The following RORA variants were observed in gnomAD, a reference collection of about 807,000 sequenced individuals.
RORA encodes nuclear receptor ROR-alpha.
RORA carries 7 observed loss-of-function variants against 69.5 expected under a neutral mutation model. That is an observed-to-expected ratio of 0.10 (90% CI 0.06 to 0.19). RORA has a LOEUF of 0.19. Among genes scored for constraint, RORA ranks in the 10% least tolerant of loss-of-function variants. The pLI is 1.00. For missense variants in RORA, 457 were observed against 663.0 expected (o/e 0.69, Z 3.41); for synonymous variants, 261 against 240.8 (o/e 1.08, Z -0.78).
chr15:60,549,535 C>A (rs1156892620), intron 2 of RORA, among the ~76,000 whole-genome samples: 1 of 152,104 alleles, frequency 6.6e-6, no homozygotes, highest in Non-Finnish European at 1.5e-5. Flanking sequence ...TGTCATACTT[C>A]TTACAGTGGT....
chr15:61,008,017 G>A (rs1454049798), intron 1 of RORA, among the ~76,000 whole-genome samples: 1 of 151,542 alleles, frequency 6.6e-6, no homozygotes, highest in African/African-American at 2.4e-5. Flanking sequence ...CACCAAAATA[G>A]TATTTAGATT....
At chr15:60,558,141 G>T in intron 2 of RORA, 1 of 954,056 alleles carries the variant, frequency 1.0e-6, no homozygotes, top group Non-Finnish European at 1.6e-6. Flanking sequence ...CACACCGGGG[G>T]AAAGGGAGGC....
intron 2 of RORA, among the ~76,000 whole-genome samples, chr15:60,571,208 AAAC>A (rs966572116): frequency 3.3e-5 from 5 of 152,074 alleles, no homozygotes; most frequent in East Asian, 1.9e-4. Context: ...AGACCACAGC[AAAC>A]AACAAGGATA....
At chr15:60,857,808 G>A (rs191325686) in intron 1 of RORA, among the ~76,000 whole-genome samples, 8 of 152,302 alleles carry the variant, frequency 5.3e-5, no homozygotes, top group Admixed American at 2.6e-4. Flanking sequence ...TGGTTTCTGA[G>A]GCAAAATTAT....
rs2140684068 is a variant in RORA at position 60,645,597 on chromosome 15, T to C, written c.196+33060A>G. On this transcript the variant is annotated intron_variant, in intron 2 of 10. Coordinates refer to ENST00000335670, the MANE Select transcript of RORA (RefSeq NM_134261.3). ...TTGTAAAGACGGGGTTTCACCGTGT[T>C]GCCCAGGCTGGTCTCGAACTCCTGG... Among the ~76,000 whole-genome samples the C allele has an allele frequency of 2.0e-5, 3 of 152,214 alleles. No homozygotes were observed. In the South Asian group the frequency reaches 6.2e-4, roughly 32 times the overall value.
intron 1 of RORA, among the ~76,000 whole-genome samples, chr15:60,796,821 G>T (rs1302079451): frequency 1.3e-5 from 2 of 151,506 alleles, no homozygotes; most frequent in Non-Finnish European, 2.9e-5. Context: ...GACAAAATGT[G>T]GTACATTCAT....
intron 1 of RORA, among the ~76,000 whole-genome samples, chr15:60,925,848 T>C (rs8029250): frequency 0.31 from 46,817 of 152,082 alleles, 7,412 homozygotes; most frequent in South Asian, 0.41. Context: ...CTTTGAAGTA[T>C]CTGTTGAAGG....
chr15:61,118,242 TG>T (rs1437982921), intron 1 of RORA, among the ~76,000 whole-genome samples: 2 of 152,026 alleles, frequency 1.3e-5, no homozygotes, highest in Non-Finnish European at 2.9e-5. Context: ...TTAAGGAAGG[TG>T]ATTCCTCAAC....
At chr15:60,903,261 G>A (rs1055913084) in intron 1 of RORA, among the ~76,000 whole-genome samples, 21 of 152,198 alleles carry the variant, frequency 1.4e-4, no homozygotes, top group African/African-American at 4.6e-4. Context: ...GGCACATGAA[G>A]CCTGCAAAAC....
chr15:60,863,991 G>C (rs1419002798), intron 1 of RORA, among the ~76,000 whole-genome samples: 1 of 152,118 alleles, frequency 6.6e-6, no homozygotes, highest in Non-Finnish European at 1.5e-5. Context: ...ATTTTTAGTA[G>C]AGAGGGAATT....
At chr15:61,045,451 G>C (rs1056366237) in intron 1 of RORA, among the ~76,000 whole-genome samples, 1 of 152,222 alleles carries the variant, frequency 6.6e-6, no homozygotes, top group Non-Finnish European at 1.5e-5. Context: ...TTTAATGACT[G>C]AGAAGCTGGG....
chr15:60,802,353 T>A (rs1218256510), intron 1 of RORA, among the ~76,000 whole-genome samples: 1 of 152,184 alleles, frequency 6.6e-6, no homozygotes, highest in African/African-American at 2.4e-5. Context: ...TAGCCATTAG[T>A]ATTTTGTCAT....
intron 1 of RORA, among the ~76,000 whole-genome samples, chr15:60,968,240 G>A (rs998561724): frequency 6.6e-6 from 1 of 152,202 alleles, no homozygotes; most frequent in Non-Finnish European, 1.5e-5. Flanking sequence ...AACCTGCTGA[G>A]CTGACTCTGG....
At position 60,812,072 on chromosome 15, in the gene RORA, T is replaced by C. The variant is rs541940231; in HGVS notation, c.167-133386A>G. On this transcript the variant is annotated intron_variant, in intron 1 of 10. Coordinates refer to ENST00000335670, the MANE Select transcript of RORA (RefSeq NM_134261.3). The stretch of plus-strand genomic sequence containing the variant: ...ATCACGTGTTTATAAGCATGGCATC[T>C]CTGATCACACTACCTAGATTTGAAT... 2.6e-5 allele frequency among the ~76,000 whole-genome samples: 4 copies of C among 152,330 alleles called. No individual in the cohort carries two copies. In the South Asian group the frequency reaches 8.3e-4, roughly 32 times the overall value.
chr15:61,114,834 C>CCAG (rs1020971639), intron 1 of RORA, among the ~76,000 whole-genome samples: 6 of 152,204 alleles, frequency 3.9e-5, no homozygotes, highest in African/African-American at 1.4e-4. Flanking sequence ...AGGACAACCC[C>CCAG]CAGGGCCTTC....
Position 60,566,802 on chromosome 15 carries a change from C to T in RORA, c.197-34951G>A, listed in dbSNP as rs569810408. On this transcript the variant is annotated intron_variant, in intron 2 of 10. Coordinates refer to ENST00000335670, the MANE Select transcript of RORA (RefSeq NM_134261.3). ...AAGGAGAGGTCCCAGCATGAACATG[C>T]GTGATGTGTTCAAAGAGAGGCTCAC... Among the ~76,000 whole-genome samples the T allele has an allele frequency of 6.1e-4, 93 of 152,114 alleles. 1 individual carries two copies. The highest frequency in any genetic ancestry group is 3.3e-3 in the Admixed American group (51 of 15,294).
intron 2 of RORA, among the ~76,000 whole-genome samples, chr15:60,659,548 T>C (rs950146057): frequency 2.6e-5 from 4 of 152,214 alleles, no homozygotes; most frequent in African/African-American, 4.8e-5. Flanking sequence ...CTTACTTGCA[T>C]GCTAACAATC....
At chr15:60,886,954 G>A (rs2073757767) in intron 1 of RORA, among the ~76,000 whole-genome samples, 1 of 152,152 alleles carries the variant, frequency 6.6e-6, no homozygotes, top group Non-Finnish European at 1.5e-5. Flanking sequence ...AAACCCAACA[G>A]CCCACTAGAA....
intron 1 of RORA, among the ~76,000 whole-genome samples, chr15:61,058,555 G>A (rs968431634): frequency 1.3e-5 from 2 of 152,102 alleles, no homozygotes; most frequent in African/African-American, 4.8e-5. Flanking sequence ...TCTGAAGAAC[G>A]TCAGGAAAGT....
Sources: gnomAD v4.1 joint callset for allele counts (sites outside exome capture counted in the v4.1 genomes callset) on GRCh38, gnomAD v4.1.1 for gene constraint, MANE v1.5 for transcripts, NCBI Gene and HGNC (gene_info 2026-07-23, HGNC 2026-07-21) for gene names.